Variants in RMDN2 observed in about 807,000 individuals in gnomAD.
RMDN2 encodes the protein regulator of microtubule dynamics 2.
In RMDN2, 61 loss-of-function variants were observed where a neutral mutation model predicts 52.8. The ratio of observed to expected loss-of-function variants is 1.16; its 90% CI spans 0.94 to 1.43. RMDN2 has a LOEUF of 1.43. Among genes scored for constraint, RMDN2 ranks in the 40% most tolerant of loss-of-function variants. The pLI, the probability that RMDN2 is intolerant of heterozygous loss-of-function variation, is 0.00. For synonymous variants in RMDN2, 180 were observed against 153.1 expected (o/e 1.18, Z -1.30); for missense variants, 592 against 475.3 (o/e 1.25, Z -2.28).
intron 10 of RMDN2, among the ~76,000 whole-genome samples, chr2:38,059,519 A>G (rs1450490739): frequency 6.6e-6 from 1 of 152,234 alleles, no homozygotes; most frequent in African/African-American, 2.4e-5. Flanking sequence ...AATCATCATC[A>G]AAATGTAAAG....
intron 2 of RMDN2, among the ~76,000 whole-genome samples, chr2:37,958,381 C>G (rs1455528462): frequency 1.3e-5 from 2 of 151,118 alleles, no homozygotes; most frequent in Non-Finnish European, 2.9e-5. Context: ...AGTTGTATTC[C>G]TAGGTATTTT....
chr2:38,015,770 G>C (rs900972464), intron 10 of RMDN2, among the ~76,000 whole-genome samples: 1 of 152,148 alleles, frequency 6.6e-6, no homozygotes, highest in African/African-American at 2.4e-5. Flanking sequence ...CTACAGGAAG[G>C]AGCGATCTAA....
At chr2:37,968,803 A>G (rs1163208694) in intron 2 of RMDN2, among the ~76,000 whole-genome samples, 1 of 152,180 alleles carries the variant, frequency 6.6e-6, no homozygotes, top group Non-Finnish European at 1.5e-5. Flanking sequence ...GCTATTAGAA[A>G]ATTCTAGGTT....
intron 5 of RMDN2, among the ~76,000 whole-genome samples, chr2:37,988,533 A>G (rs976113696): frequency 6.6e-6 from 1 of 152,196 alleles, no homozygotes; most frequent in Non-Finnish European, 1.5e-5. Flanking sequence ...GAATTAAGTT[A>G]TCGTTTGTGT....
At chr2:37,973,484 C>T (rs559427612) in intron 2 of RMDN2, among the ~76,000 whole-genome samples, 4 of 152,226 alleles carry the variant, frequency 2.6e-5, no homozygotes, top group Non-Finnish European at 5.9e-5. Context: ...CTTGCATTCT[C>T]CTGGGGAGGA....
Position 38,007,693 on chromosome 2 carries a change from G to A in RMDN2, c.1179+3477G>A, listed in dbSNP as rs182160763. Among the ~76,000 whole-genome samples the A allele has an allele frequency of 1.2e-4, 18 of 152,144 alleles. No individual in the cohort carries two copies. The East Asian group carries it at 3.5e-3, about 29-fold the overall frequency. ...ATTGATTTTTTGAAGGGTTTTTTAT[G>A]TCTCTGTTTCCTTCAGTTCTGCTCT... On this transcript the variant is annotated intron_variant, in intron 10 of 10. Transcript: ENST00000354545.
intron 2 of RMDN2, among the ~76,000 whole-genome samples, chr2:37,953,471 T>C (rs1669089483): frequency 6.6e-6 from 1 of 152,042 alleles, no homozygotes; most frequent in Admixed American, 6.6e-5. Flanking sequence ...TCACTTAGCA[T>C]AGTGTATAAT....
At chr2:37,962,366 G>A (rs1463444930) in intron 2 of RMDN2, among the ~76,000 whole-genome samples, 1 of 152,206 alleles carries the variant, frequency 6.6e-6, no homozygotes, top group Non-Finnish European at 1.5e-5. Flanking sequence ...TGGTGCTGCT[G>A]CCTTTCTTTC....
intron 10 of RMDN2, among the ~76,000 whole-genome samples, chr2:38,046,483 A>T (rs1024379169): frequency 6.6e-6 from 1 of 152,200 alleles, no homozygotes; most frequent in African/African-American, 2.4e-5. Context: ...CCAAAATTTG[A>T]TGAAAAACAT....
chr2:38,067,110 G>T, exon 11 of RMDN2: 4 of 970,084 alleles, frequency 4.1e-6, no homozygotes, highest in Non-Finnish European at 6.6e-6. Context: ...CAAGTAAAAA[G>T]ATTGGCAATA....
downstream of RMDN2, among the ~76,000 whole-genome samples, chr2:38,019,893 C>A (rs904488547): frequency 6.6e-6 from 1 of 152,004 alleles, no homozygotes; most frequent in African/African-American, 2.4e-5. Context: ...CCACTACACT[C>A]CACTCTCCAC....
intron 10 of RMDN2, among the ~76,000 whole-genome samples, chr2:38,044,772 A>T (rs1329963429): frequency 6.6e-6 from 1 of 152,042 alleles, no homozygotes; most frequent in Non-Finnish European, 1.5e-5. Flanking sequence ...CTCTCTGATT[A>T]TATTACCCAC....
At chr2:37,981,564 G>T (rs1485454167) in intron 5 of RMDN2, among the ~76,000 whole-genome samples, 1 of 152,102 alleles carries the variant, frequency 6.6e-6, no homozygotes, top group Non-Finnish European at 1.5e-5. Context: ...AAAAATTATT[G>T]AATGAATCTA....
At chr2:37,957,143 A>G (rs935311033) in intron 2 of RMDN2, among the ~76,000 whole-genome samples, 3 of 152,180 alleles carry the variant, frequency 2.0e-5, no homozygotes, top group Non-Finnish European at 4.4e-5. Context: ...TTATAGTAGA[A>G]TGATTTATAA....
rs576465274 is a variant in RMDN2, at chr2:38,062,823, T to C, written c.1714-4159T>C. On this transcript the variant is annotated intron_variant, in intron 10 of 10. Transcript: ENST00000234195. Reference sequence around the variant, plus strand: ...TGATGTTCCCCTTCCTGTGTGCATGTGTTCTCATTGTTCAATTCCCACCTA... The same window carrying C: ...TGATGTTCCCCTTCCTGTGTGCATGCGTTCTCATTGTTCAATTCCCACCTA... 2.2e-4 allele frequency among the ~76,000 whole-genome samples: 31 copies of C among 139,644 alleles called. 1 individual carries two copies. The South Asian group carries it at 7.8e-3, about 35-fold the overall frequency. 91.6% of individuals were successfully genotyped at this position (139,644 alleles called of 152,430 possible). A position where few individuals can be genotyped will look rare whatever the true frequency, so the allele number is the denominator to read the frequency against.
At chr2:37,948,959 G>T (rs1040117583) in intron 2 of RMDN2, among the ~76,000 whole-genome samples, 1 of 152,140 alleles carries the variant, frequency 6.6e-6, no homozygotes, top group Non-Finnish European at 1.5e-5. Context: ...CCATTGGTGG[G>T]AGTGTTAAAC....
At chr2:38,063,579 G>T (rs1432153308) in intron 10 of RMDN2, among the ~76,000 whole-genome samples, 1 of 152,106 alleles carries the variant, frequency 6.6e-6, no homozygotes, top group Admixed American at 6.5e-5. Flanking sequence ...AAGAGCTTCT[G>T]CACAGCAAAA....
chr2:37,953,607 G>T (rs1392287986), intron 2 of RMDN2, among the ~76,000 whole-genome samples: 1 of 151,968 alleles, frequency 6.6e-6, no homozygotes, highest in African/African-American at 2.4e-5. Flanking sequence ...GACAATTTGG[G>T]TCACTTCCAT....
chr2:38,040,370 G>A (rs1558580942), intron 10 of RMDN2, among the ~76,000 whole-genome samples: 1 of 152,100 alleles, frequency 6.6e-6, no homozygotes, highest in Non-Finnish European at 1.5e-5. Context: ...AAGAAGTGGG[G>A]CCTTTGGAGA....
Sources: allele counts gnomAD v4.1 joint callset (sites outside exome capture counted in the v4.1 genomes callset), GRCh38; gene constraint gnomAD v4.1.1; transcripts MANE v1.5; gene names NCBI Gene and HGNC (gene_info 2026-07-23, HGNC 2026-07-21).